The following ATG4A variants were observed in gnomAD, a reference collection of about 807,000 sequenced individuals.
ATG4A encodes cysteine protease ATG4A.
ATG4A carries 22 observed loss-of-function variants against 38.4 expected under a neutral mutation model. The ratio of observed to expected loss-of-function variants is 0.57; its 90% confidence interval spans 0.41 to 0.82. ATG4A has a LOEUF of 0.82. Ranked by LOEUF, ATG4A falls within the 40% of genes least tolerant of loss-of-function variation. The probability of loss-of-function intolerance (pLI) is 0.00; values close to 1 mark genes in which losing one functional copy is unlikely to be tolerated. For missense variants in ATG4A, 220 were observed against 290.0 expected (o/e 0.76, Z 1.75); for synonymous variants, 86 against 100.7 (o/e 0.85, Z 0.88).
chrX:108,124,718 A>G (rs1056484519), intron 1 of ATG4A, among the ~76,000 whole-genome samples: 12 of 112,095 alleles, frequency 1.1e-4, no homozygotes, highest in Non-Finnish European at 2.3e-4. Flanking sequence ...TATAATTTCA[A>G]CTTCCAACAA....
In ATG4A at chrX:108,127,557, A is replaced by T. The variant is rs754634561; in HGVS notation, c.122-1224A>T. Among the ~76,000 whole-genome samples the T allele has an allele frequency of 8.1e-4, 91 of 112,147 alleles. 1 individual carries two copies. The highest frequency in any genetic ancestry group is 5.4e-4 in the Non-Finnish European group (29 of 53,215). ...TACACAGCTGGTAAGTAGCAGAGTC[A>T]GGGTTCAAACCCAAGCAAAGTATGA... On this transcript the variant is annotated intron_variant, in intron 2 of 12. Coordinates refer to ENST00000372232, the MANE Select transcript of ATG4A (RefSeq NM_052936.5).
At chrX:108,126,279 C>T in intron 2 of ATG4A, 92 bp downstream of exon 2, 1 of 607,877 alleles carries the variant, frequency 1.6e-6, no homozygotes, top group Non-Finnish European at 2.7e-6. Flanking sequence ...GTTGGCAGAG[C>T]ATTGTCTTGC....
At chrX:108,126,901 A>T in intron 2 of ATG4A, 1 of 512,980 alleles carries the variant, frequency 1.9e-6, no homozygotes, top group Non-Finnish European at 3.0e-6. Context: ...CTGAGGAGAC[A>T]TCCTCTTCAG....
chrX:108,102,795 T>C (rs1238692204), intron 1 of ATG4A, among the ~76,000 whole-genome samples: 1 of 110,327 alleles, frequency 9.1e-6, no homozygotes. Flanking sequence ...TTTTTTTTTC[T>C]TGCGGGGGAG....
intron 1 of ATG4A, among the ~76,000 whole-genome samples, chrX:108,104,704 A>G (rs1475459002): frequency 9.0e-6 from 1 of 111,531 alleles, no homozygotes; most frequent in Non-Finnish European, 1.9e-5. Context: ...GATTTGACAC[A>G]TTTAGAGATG....
At chrX:108,093,000 G>A (rs1053796268) in intron 1 of ATG4A, among the ~76,000 whole-genome samples, 2 of 111,362 alleles carry the variant, frequency 1.8e-5, no homozygotes, top group Admixed American at 9.5e-5. Flanking sequence ...CAGAATAGTT[G>A]TAGATTTATA....
intron 9 of ATG4A, among the ~76,000 whole-genome samples, chrX:108,145,949 G>C (rs1442815077): frequency 9.0e-6 from 1 of 111,683 alleles, no homozygotes; most frequent in Non-Finnish European, 1.9e-5. Flanking sequence ...TTTAACTGGA[G>C]GACCACAATG....
intron 1 of ATG4A, among the ~76,000 whole-genome samples, chrX:108,093,736 A>G (rs1177293846): frequency 1.8e-5 from 2 of 111,751 alleles, no homozygotes; most frequent in African/African-American, 6.5e-5. Context: ...TTTGTTATTT[A>G]CTGTGTTTTT....
intron 1 of ATG4A, among the ~76,000 whole-genome samples, chrX:108,110,440 A>AT (rs1439189950): frequency 1.8e-5 from 2 of 109,896 alleles, no homozygotes; most frequent in Middle Eastern, 4.6e-3. Flanking sequence ...AATATTTATC[A>AT]TTTTTTTTCT....
intron 9 of ATG4A, 150 bp from the exon 10 acceptor site, chrX:108,150,002 G>T (rs1332273356): frequency 3.2e-6 from 2 of 626,519 alleles, no homozygotes; most frequent in Non-Finnish European, 4.9e-6. Context: ...CTTCCTTTAA[G>T]CATGCTCACC....
At chrX:108,091,631 T>C (rs1250035837), upstream of ATG4A, 1 of 940,262 alleles carries the variant, frequency 1.1e-6, no homozygotes, top group African/African-American at 1.9e-5. Flanking sequence ...CCGGCCTTCC[T>C]CGTTCCCTTT....
chrX:108,093,082 A>C (rs2031689791), intron 1 of ATG4A, among the ~76,000 whole-genome samples: 1 of 111,702 alleles, frequency 9.0e-6, no homozygotes, highest in African/African-American at 3.3e-5. Context: ...CATATCATAA[A>C]ATTCACTGAT....
At chrX:108,096,183 G>T (rs1246297542) in intron 1 of ATG4A, among the ~76,000 whole-genome samples, 1 of 112,410 alleles carries the variant, frequency 8.9e-6, no homozygotes, top group Non-Finnish European at 1.9e-5. Context: ...TTGTCAAAAT[G>T]ACTTTACTAC....
In ATG4A at chrX:108,153,092, G is replaced by A. The variant is rs781552824; in HGVS notation, c.1126+5G>A. Reference sequence around the variant, plus strand: ...AAGTGACAACCACTGGGGCAGGTAAGCTGTTGTTCAATGGCTCTCAGCTAG... The same window carrying A: ...AAGTGACAACCACTGGGGCAGGTAAACTGTTGTTCAATGGCTCTCAGCTAG... On this transcript the variant is annotated splice_donor_5th_base_variant and intron_variant, in intron 12 of 12. Coordinates refer to ENST00000372232, the MANE Select transcript of ATG4A (RefSeq NM_052936.5). 5 of 1,180,237 alleles carry A rather than the reference G, an allele frequency of 4.2e-6. No homozygotes were observed. In the Admixed American group the frequency reaches 1.1e-4, roughly 26 times the overall value.
At chrX:108,144,161 C>A (rs1287886995) in intron 9 of ATG4A, among the ~76,000 whole-genome samples, 1 of 111,397 alleles carries the variant, frequency 9.0e-6, no homozygotes, top group African/African-American at 3.3e-5. Context: ...AGAATGAGCC[C>A]ACTGCCACAC....
At chrX:108,110,847 CTTTG>C (rs1035126039) in intron 1 of ATG4A, among the ~76,000 whole-genome samples, 23 of 111,984 alleles carry the variant, frequency 2.1e-4, no homozygotes, top group African/African-American at 7.1e-4. Context: ...CCTTCTGTCT[CTTTG>C]TTTATTTTTG....
intron 5 of ATG4A, 74 bp downstream of exon 5, chrX:108,134,232 T>A: frequency 1.8e-6 from 2 of 1,121,638 alleles, no homozygotes; most frequent in Non-Finnish European, 2.4e-6. Context: ...TATATGTGGC[T>A]CCATTAAGTT....
At chrX:108,103,639 G>A (rs766199505) in intron 1 of ATG4A, among the ~76,000 whole-genome samples, 2 of 110,549 alleles carry the variant, frequency 1.8e-5, no homozygotes, top group East Asian at 2.8e-4. Flanking sequence ...ATTCTTTTGT[G>A]TATCATTTAA....
intron 11 of ATG4A, 130 bp downstream of exon 11, chrX:108,151,988 C>A: frequency 1.6e-6 from 1 of 638,593 alleles, no homozygotes. Flanking sequence ...GAAACTAAGG[C>A]AACAAAGAAA....
Sources: gnomAD v4.1 joint callset for allele counts (sites outside exome capture counted in the v4.1 genomes callset) on GRCh38, gnomAD v4.1.1 for gene constraint, MANE v1.5 for transcripts, NCBI Gene and HGNC (gene_info 2026-07-23, HGNC 2026-07-21) for gene names.